WWOX: variants seen among roughly 807,000 people sequenced by gnomAD.
The protein encoded by WWOX is WW domain-containing oxidoreductase.
In WWOX, 69 loss-of-function variants were observed where a neutral mutation model predicts 46.2. The ratio of observed to expected loss-of-function variants is 1.49; its 90% CI spans 1.23 to 1.82. The LOEUF (loss-of-function observed/expected upper bound fraction) is 1.82, where lower values mean the gene tolerates loss of function less well. Among genes scored for constraint, WWOX ranks in the 40% most tolerant of loss-of-function variants. The pLI is 0.00. For synonymous variants in WWOX, 359 were observed against 202.6 expected (o/e 1.77, Z -6.56); for missense variants, 919 against 542.6 (o/e 1.69, Z -6.89).
intron 8 of WWOX, among the ~76,000 whole-genome samples, chr16:78,802,667 G>C (rs998835438): frequency 1.3e-5 from 2 of 151,840 alleles, no homozygotes; most frequent in African/African-American, 4.8e-5. Context: ...TGTAATCCCA[G>C]CACTTTGAGA....
intron 8 of WWOX, among the ~76,000 whole-genome samples, chr16:78,967,950 G>T (rs1450489375): frequency 6.6e-6 from 1 of 152,166 alleles, no homozygotes; most frequent in Non-Finnish European, 1.5e-5. Context: ...CCCCAGTTCT[G>T]TGTTTATACT....
chr16:78,713,919 G>A (rs1279311717), intron 8 of WWOX, among the ~76,000 whole-genome samples: 4 of 152,126 alleles, frequency 2.6e-5, no homozygotes, highest in Non-Finnish European at 5.9e-5. Context: ...GAGGACTGTC[G>A]TTGGGGAACA....
chr16:78,870,500 A>T (rs1461941921), intron 8 of WWOX, among the ~76,000 whole-genome samples: 1 of 151,494 alleles, frequency 6.6e-6, no homozygotes, highest in Non-Finnish European at 1.5e-5. Context: ...TTTCTGTGTC[A>T]GATTAAAAAA....
At chr16:79,188,418 A>G (rs959831189) in intron 8 of WWOX, among the ~76,000 whole-genome samples, 1 of 152,158 alleles carries the variant, frequency 6.6e-6, no homozygotes, top group East Asian at 1.9e-4. Flanking sequence ...GTTCTCTTAG[A>G]TACTTTACAT....
chr16:78,753,241 A>G (rs1257141550), intron 8 of WWOX, among the ~76,000 whole-genome samples: 1 of 152,114 alleles, frequency 6.6e-6, no homozygotes, highest in Admixed American at 6.5e-5. Context: ...CGGAGCTTGC[A>G]GTGAGCCGAG....
At chr16:78,871,877 A>G (rs1233847040) in intron 8 of WWOX, among the ~76,000 whole-genome samples, 1 of 152,174 alleles carries the variant, frequency 6.6e-6, no homozygotes, top group African/African-American at 2.4e-5. Context: ...CGCTGGGATT[A>G]CAGGTGTGAG....
At chr16:78,575,052 T>A (rs866771544) in intron 8 of WWOX, among the ~76,000 whole-genome samples, 239 of 13,308 alleles carry the variant, frequency 0.018, 1 homozygote, top group South Asian at 0.044. Context: ...TATATATATA[T>A]ATATATATAT....
chr16:78,640,980 TGGAA>T (rs2046694174), intron 8 of WWOX, among the ~76,000 whole-genome samples: 1 of 144,880 alleles, frequency 6.9e-6, no homozygotes, highest in African/African-American at 2.5e-5. Context: ...GAAGGACAGA[TGGAA>T]GGAAGGAAAA....
chr16:78,945,230 C>T (rs1212971713), intron 8 of WWOX, among the ~76,000 whole-genome samples: 1 of 151,998 alleles, frequency 6.6e-6, no homozygotes, highest in Non-Finnish European at 1.5e-5. Context: ...ATATGTAGAA[C>T]AAATGAAAAC....
chr16:78,616,260 A>C (rs1433810677), intron 8 of WWOX, among the ~76,000 whole-genome samples: 1 of 151,718 alleles, frequency 6.6e-6, no homozygotes, highest in East Asian at 1.9e-4. Flanking sequence ...TGTTTGTCTT[A>C]GTTTTTTTGG....
chr16:78,634,736 G>T lies in WWOX; in HGVS notation c.1056+201984G>T, dbSNP rs2046523094. ...AAAAAAAAAAAAAAGTTCTAAATCA[G>T]TGGATTCTGCCGATAAACATCATCT... On this transcript the variant is annotated intron_variant, in intron 8 of 8. Coordinates refer to ENST00000566780, the MANE Select transcript of WWOX (RefSeq NM_016373.4). Among the ~76,000 whole-genome samples, 3 of 150,168 alleles carry T rather than the reference G, an allele frequency of 2.0e-5. No homozygotes were observed. In the South Asian group the frequency reaches 6.3e-4, roughly 32 times the overall value.
chr16:78,508,916 A>G (rs918487672), intron 8 of WWOX, among the ~76,000 whole-genome samples: 1 of 152,202 alleles, frequency 6.6e-6, no homozygotes, highest in African/African-American at 2.4e-5. Context: ...CTGCTGTTAC[A>G]TCTGCATCAT....
intron 8 of WWOX, among the ~76,000 whole-genome samples, chr16:79,109,691 T>C (rs1434464950): frequency 6.6e-6 from 1 of 152,212 alleles, no homozygotes; most frequent in Non-Finnish European, 1.5e-5. Flanking sequence ...TATTTATCTC[T>C]AAATTATGAT....
At chr16:78,359,476 T>A (rs1370157980) in intron 5 of WWOX, among the ~76,000 whole-genome samples, 1 of 152,120 alleles carries the variant, frequency 6.6e-6, no homozygotes, top group African/African-American at 2.4e-5. Flanking sequence ...GGATCGATAG[T>A]TGGTACTTAA....
intron 8 of WWOX, among the ~76,000 whole-genome samples, chr16:78,838,403 A>C (rs2052048980): frequency 6.6e-6 from 1 of 152,202 alleles, no homozygotes; most frequent in Admixed American, 6.5e-5. Flanking sequence ...TGCATCTTAA[A>C]ATGTTGAGAC....
intron 8 of WWOX, among the ~76,000 whole-genome samples, chr16:78,942,561 G>A (rs1187415926): frequency 6.6e-6 from 1 of 151,924 alleles, no homozygotes; most frequent in Admixed American, 6.6e-5. Context: ...AAACCCACCA[G>A]AATACATTAT....
At position 78,357,555 on chromosome 16, in the gene WWOX, TC is replaced by T. The variant is rs543262046; in HGVS notation, c.517-29304del. On this transcript the variant is annotated intron_variant, in intron 5 of 8. Transcript: ENST00000566780. ...TTTTGAGGGATAGAATTGGGCATAA[TC>T]AGAGAAAACGTGGTCTGGGACACAT... Among the ~76,000 whole-genome samples, 55 of 152,294 alleles carry T rather than the reference TC, an allele frequency of 3.6e-4. 1 individual carries two copies. In the South Asian group the frequency reaches 0.011, roughly 29 times the overall value.
chr16:78,214,024 G>T (rs778412018), intron 5 of WWOX, among the ~76,000 whole-genome samples: 1 of 152,190 alleles, frequency 6.6e-6, no homozygotes, highest in East Asian at 1.9e-4. Context: ...CAGAGTCTGC[G>T]CCTCCCAGCC....
chr16:78,812,897 A>G (rs148674184), intron 8 of WWOX, among the ~76,000 whole-genome samples: 1 of 152,312 alleles, frequency 6.6e-6, no homozygotes, highest in Non-Finnish European at 1.5e-5. Flanking sequence ...AAACACATAT[A>G]TTTTTAAAAG....
Sources: gnomAD v4.1 joint callset for allele counts (sites outside exome capture counted in the v4.1 genomes callset) on GRCh38, gnomAD v4.1.1 for gene constraint, MANE v1.5 for transcripts, NCBI Gene and HGNC (gene_info 2026-07-23, HGNC 2026-07-21) for gene names.